The following DENND1A variants were observed in gnomAD, a reference collection of about 807,000 sequenced individuals.
The protein encoded by DENND1A is DENN domain containing 1A, also known as DENN domain-containing protein 1A.
In DENND1A, 51 loss-of-function variants were observed where a neutral mutation model predicts 113.7. The observed-to-expected ratio is 0.45, with a 90% CI of 0.36 to 0.57. The LOEUF (loss-of-function observed/expected upper bound fraction) is 0.57, where lower values mean the gene tolerates loss of function less well. DENND1A is among the 20% of genes least tolerant of loss of function. The pLI is 0.00. For synonymous variants in DENND1A, 565 were observed against 570.8 expected (o/e 0.99, Z 0.14); for missense variants, 1,258 against 1,395.9 (o/e 0.90, Z 1.57).
Position 123,594,712 on chromosome 9 carries a change from C to A in DENND1A, c.766-11442G>T, listed in dbSNP as rs540861895. ...ATTAAATAATTTGCCCGTGTTCTTA[C>A]AACTGGATGCATCAGAGAAAGGATT... is the stretch of plus-strand genomic sequence containing the variant. On this transcript the variant is annotated intron_variant, in intron 11 of 23. Coordinates refer to ENST00000394215, the MANE Select transcript of DENND1A (RefSeq NM_001352964.2). Among the ~76,000 whole-genome samples, 4 of 152,224 alleles carry A rather than the reference C, an allele frequency of 2.6e-5. No individual in the cohort carries two copies. In the South Asian group the frequency reaches 6.2e-4, roughly 24 times the overall value.
intron 5 of DENND1A, among the ~76,000 whole-genome samples, chr9:123,700,798 C>A (rs989893593): frequency 6.6e-6 from 1 of 152,140 alleles, no homozygotes; most frequent in South Asian, 2.1e-4. Flanking sequence ...CAAGATTAAC[C>A]ATCATAACAT....
chr9:123,929,701 G>A (rs1857688050), intron 1 of DENND1A, among the ~76,000 whole-genome samples, 188 bp downstream of exon 1: 1 of 151,252 alleles, frequency 6.6e-6, no homozygotes, highest in African/African-American at 2.4e-5. Flanking sequence ...CTGCCACCCC[G>A]CGCGCACCCC....
At chr9:123,871,474 C>T (rs887479760) in intron 2 of DENND1A, among the ~76,000 whole-genome samples, 1 of 152,150 alleles carries the variant, frequency 6.6e-6, no homozygotes, top group Admixed American at 6.5e-5. Context: ...AGCTCCTAGA[C>T]CACAATTTAC....
chr9:123,646,606 C>A (rs1429425604), intron 9 of DENND1A, among the ~76,000 whole-genome samples: 1 of 152,044 alleles, frequency 6.6e-6, no homozygotes, highest in Non-Finnish European at 1.5e-5. Context: ...GCAATCCCTG[C>A]CACTCTCCAC....
chr9:123,884,629 C>T (rs1210733769), intron 1 of DENND1A, among the ~76,000 whole-genome samples: 1 of 152,050 alleles, frequency 6.6e-6, no homozygotes, highest in Non-Finnish European at 1.5e-5. Flanking sequence ...ACAATTATAC[C>T]ATTTCCATAC....
At chr9:123,647,130 T>C (rs1458901904) in intron 9 of DENND1A, among the ~76,000 whole-genome samples, 2 of 152,186 alleles carry the variant, frequency 1.3e-5, no homozygotes, top group South Asian at 2.1e-4. Context: ...TAAAATCTCA[T>C]GATAAAGGAG....
At chr9:123,687,454 G>A (rs1464454940) in intron 5 of DENND1A, among the ~76,000 whole-genome samples, 1 of 152,186 alleles carries the variant, frequency 6.6e-6, no homozygotes, top group Admixed American at 6.5e-5. Flanking sequence ...AATAAAGGAA[G>A]GGAAGCATTC....
intron 6 of DENND1A, among the ~76,000 whole-genome samples, chr9:123,674,382 A>G (rs892879823): frequency 6.9e-6 from 1 of 145,516 alleles, no homozygotes; most frequent in African/African-American, 2.8e-5. Context: ...ACACACACAC[A>G]CACACACACA....
At chr9:123,609,567 A>C in intron 10 of DENND1A, 86 bp from the exon 11 acceptor site, 2 of 1,482,310 alleles carry the variant, frequency 1.3e-6, no homozygotes, top group Non-Finnish European at 1.8e-6. Context: ...TTTGGAGAAA[A>C]ACTGTTTTAA....
Position 123,387,867 on chromosome 9 carries a change from G to C in DENND1A, c.1632-9C>G. Reference sequence around the variant, plus strand: ...GCAAGGGCTTTACCAGGCTGGGGCAGAGGAAGACAAAAGAGAAGAGAACAG... The same window carrying C: ...GCAAGGGCTTTACCAGGCTGGGGCACAGGAAGACAAAAGAGAAGAGAACAG... On this transcript the variant is annotated splice_polypyrimidine_tract_variant and intron_variant, in intron 21 of 23. Transcript: ENST00000394215. 16 of 1,289,696 alleles carry C rather than the reference G, an allele frequency of 1.2e-5. No homozygotes were observed. The highest frequency in any genetic ancestry group is 1.3e-5 in the Non-Finnish European group (13 of 988,612). The allele number at this position is 1,289,696 out of a possible 1,614,324, so 79.9% of individuals were successfully genotyped here.
In DENND1A at chr9:123,381,949, A is replaced by G; in HGVS notation, c.2696T>C (p.Met899Thr). The change falls in exon 24 of 24, where the codon ATG becomes ACG. Residue 899 changes from methionine (M) to threonine (T), a missense_variant. By Grantham distance (81) the Met-to-Thr change is moderately conservative. Coordinates refer to ENST00000394215, the MANE Select transcript of DENND1A (RefSeq NM_001352964.2). The surrounding 1 kb of genome is among the most constrained non-coding windows in gnomAD (Gnocchi z 4.7). The stretch of plus-strand genomic sequence containing the variant: ...GGGCAGGGTGGGTGGGGCTGCTGGC[A>G]TGGATGGGACAAAGGGGTTGAGTGG... ...QPPLNPFVPSMPAAPPTLPLV... is the reference protein window; with the variant it reads ...QPPLNPFVPSTPAAPPTLPLV... 6.9e-7 allele frequency: 1 copy of G among 1,455,132 alleles called. No individual in the cohort carries two copies. The highest frequency in any genetic ancestry group is 9.1e-7 in the Non-Finnish European group (1 of 1,103,030). The allele number at this position is 1,455,132 out of a possible 1,614,324, so 90.1% of individuals were successfully genotyped here. A position where few individuals can be genotyped will look rare whatever the true frequency, so the allele number is the denominator to read the frequency against.
At chr9:123,643,597 T>C (rs2062143084) in intron 9 of DENND1A, among the ~76,000 whole-genome samples, 1 of 152,164 alleles carries the variant, frequency 6.6e-6, no homozygotes, top group Non-Finnish European at 1.5e-5. Flanking sequence ...ATAGCTGCAA[T>C]ATATGAACCC....
rs557873360 is a variant in DENND1A at position 123,520,360 on chromosome 9, G to A, written c.993+37210C>T. Among the ~76,000 whole-genome samples the A allele has an allele frequency of 3.1e-4, 47 of 152,272 alleles. 1 individual carries two copies. Among genetic ancestry groups the A allele is most frequent in the African/African-American group, 1.1e-3 (46 of 41,540 alleles). On this transcript the variant is annotated intron_variant, in intron 13 of 23. Coordinates refer to ENST00000394215, the MANE Select transcript of DENND1A (RefSeq NM_001352964.2). The stretch of plus-strand genomic sequence containing the variant: ...TGTAATCTCAGCTACTCGGGAGGCT[G>A]AGGCAGGAGAACTGCTGGAACCTGC...
intron 5 of DENND1A, among the ~76,000 whole-genome samples, chr9:123,677,284 C>T (rs749910937): frequency 6.6e-6 from 1 of 152,224 alleles, no homozygotes; most frequent in African/African-American, 2.4e-5. Context: ...CTACCCATCA[C>T]ACACCATCTC....
intron 13 of DENND1A, among the ~76,000 whole-genome samples, chr9:123,466,769 G>C (rs2048985622): frequency 6.6e-6 from 1 of 152,076 alleles, no homozygotes; most frequent in Non-Finnish European, 1.5e-5. Flanking sequence ...AGGTTTCCTT[G>C]GTCATTCATG....
rs117225817 is a variant in DENND1A at position 123,510,254 on chromosome 9, G to A, written c.993+47316C>T. Among the ~76,000 whole-genome samples, 889 of 152,362 alleles carry A rather than the reference G, an allele frequency of 5.8e-3. 5 individuals carry two copies. The highest frequency in any genetic ancestry group is 9.7e-3 in the Non-Finnish European group (660 of 68,032). ...CTTGTGCTCCTTGTATTACCCCAGAGCTGGACCCAGAGTGGGTGTCTAGGC... is the reference window on the plus strand; with the variant it reads ...CTTGTGCTCCTTGTATTACCCCAGAACTGGACCCAGAGTGGGTGTCTAGGC... On this transcript the variant is annotated intron_variant, in intron 13 of 23. Transcript: ENST00000394215.
At chr9:123,893,305 T>C (rs1378727334) in intron 1 of DENND1A, among the ~76,000 whole-genome samples, 4 of 152,222 alleles carry the variant, frequency 2.6e-5, no homozygotes, top group Non-Finnish European at 5.9e-5. Context: ...CTAATCACTA[T>C]GCTACAGCTC....
chr9:123,830,447 T>C (rs1001784609), intron 2 of DENND1A, among the ~76,000 whole-genome samples: 2 of 152,084 alleles, frequency 1.3e-5, no homozygotes, highest in Non-Finnish European at 2.9e-5. Flanking sequence ...AAATTCAAAC[T>C]GTATGCTTAA....
At chr9:123,672,433 T>C (rs183482723) in intron 6 of DENND1A, among the ~76,000 whole-genome samples, 2 of 152,294 alleles carry the variant, frequency 1.3e-5, no homozygotes, top group African/African-American at 4.8e-5. Context: ...TATTATTTCC[T>C]GACCTATTTG....
Sources: allele counts gnomAD v4.1 joint callset (sites outside exome capture counted in the v4.1 genomes callset), GRCh38; gene constraint gnomAD v4.1.1; non-coding constraint Gnocchi (gnomAD v3.1); transcripts MANE v1.5; gene names NCBI Gene and HGNC (gene_info 2026-07-23, HGNC 2026-07-21).